DNAH6: variants seen among roughly 807,000 people sequenced by gnomAD.
DNAH6 encodes the protein axonemal beta dynein heavy chain 6.
Under a neutral mutation model 491.4 loss-of-function variants are expected in DNAH6, and 340 were observed. The ratio of observed to expected loss-of-function variants is 0.69; its 90% CI spans 0.63 to 0.76. DNAH6 has a LOEUF of 0.76. DNAH6 is among the 30% of genes least tolerant of loss of function. DNAH6 has a pLI of 0.00. For synonymous variants in DNAH6, 1,603 were observed against 1,686.1 expected, an observed-to-expected ratio of 0.95 and a Z score of 1.21; for missense variants, 4,443 against 4,972.2, an observed-to-expected ratio of 0.89 and a Z score of 3.20.
At chr2:84,490,392 A>G in the DNAH6 span, among the ~76,000 whole-genome samples, 4,703 of 152,150 alleles carry the variant, frequency 0.031, 125 homozygotes, top group Middle Eastern at 0.092. Flanking sequence ...GTACCCAGTC[A>G]TATAACCATC....
In DNAH6 at chr2:84,665,618, A is replaced by G. The variant is rs558048535; in HGVS notation, c.6085-3671A>G. Among the ~76,000 whole-genome samples the G allele has an allele frequency of 2.3e-4, 35 of 152,314 alleles. 1 individual carries two copies. The highest frequency in any genetic ancestry group is 4.7e-4 in the Non-Finnish European group (32 of 68,030). On this transcript the variant is annotated intron_variant, in intron 37 of 76. Coordinates refer to ENST00000389394, the MANE Select transcript of DNAH6 (RefSeq NM_001370.2). ...TTGAGGCAATAATTAATAGCCTACC[A>G]ACGAAAAAAAGTCCAGGACCAGACG...
intron 45 of DNAH6, among the ~76,000 whole-genome samples, chr2:84,693,539 C>A (rs898177861): frequency 6.6e-6 from 1 of 151,950 alleles, no homozygotes; most frequent in African/African-American, 2.4e-5. Flanking sequence ...ATCAGGAGAT[C>A]GAGACCATCC....
chr2:84,553,355 TTTTCTTTTCTTTTCTTTCTTTCTTTC>T, intron 10 of DNAH6, among the ~76,000 whole-genome samples: 1 of 33,826 alleles, frequency 3.0e-5, no homozygotes, highest in South Asian at 9.8e-4. Context: ...CTTTCTTTTC[TTTTCTTTTCTTTTCTTTCTTTCTTTC>T]TTTCTTTCTT....
rs1037594072 is a variant in DNAH6, at chr2:84,793,149, T to A, written c.11240-3157T>A. On this transcript the variant is annotated intron_variant, in intron 68 of 76. Transcript: ENST00000389394. ...ATGGTACCCACAGGAACCATGATGC[T>A]GGGGCCAGACCAGGCAGTGGCATGG... Among the ~76,000 whole-genome samples, 5 of 152,158 alleles carry A rather than the reference T, an allele frequency of 3.3e-5. No homozygotes were observed. In the South Asian group the frequency reaches 1.0e-3, roughly 31 times the overall value.
rs570533565 is a variant in DNAH6 at position 84,588,831 on chromosome 2, A to G, written c.2487A>G (p.Pro829=). Reference sequence around the variant, plus strand: ...AAACTGTCTTAAATTTATAGGATCCACAGATTTTAGATATCTCTGCTGACC... The same window carrying G: ...AAACTGTCTTAAATTTATAGGATCCGCAGATTTTAGATATCTCTGCTGACC... ...VNEVKLQAQD[P]QILDISADQD... The change falls in exon 16 of 77, where the codon CCA becomes CCG. Residue 829 remains proline (P), a synonymous_variant. Coordinates refer to ENST00000389394, the MANE Select transcript of DNAH6 (RefSeq NM_001370.2). 5.1e-5 allele frequency: 79 copies of G among 1,537,590 alleles called. No individual in the cohort carries two copies. Among genetic ancestry groups the G allele is most frequent in the Non-Finnish European group, 6.8e-5 (78 of 1,141,862 alleles).
chr2:84,565,122 G>A (rs372344731), intron 11 of DNAH6, among the ~76,000 whole-genome samples: 28 of 152,168 alleles, frequency 1.8e-4, no homozygotes, highest in African/African-American at 6.7e-4. Flanking sequence ...TTGCATCTAT[G>A]TTCATCAGGG....
intron 64 of DNAH6, among the ~76,000 whole-genome samples, chr2:84,765,696 A>G (rs1675012382): frequency 6.6e-6 from 1 of 152,090 alleles, no homozygotes; most frequent in Non-Finnish European, 1.5e-5. Flanking sequence ...AGTAAACCAA[A>G]AAGTCAAACT....
intron 29 of DNAH6, among the ~76,000 whole-genome samples, chr2:84,626,219 C>T (rs555640513): frequency 2.6e-5 from 4 of 151,944 alleles, no homozygotes; most frequent in East Asian, 3.9e-4. Flanking sequence ...TTTTTATGTA[C>T]CCACTTTGGA....
intron 16 of DNAH6, among the ~76,000 whole-genome samples, chr2:84,593,488 G>A (rs894541806): frequency 1.2e-4 from 18 of 152,090 alleles, no homozygotes; most frequent in African/African-American, 3.4e-4. Context: ...ATATAAAGTC[G>A]TGGTTAGAAA....
intron 68 of DNAH6, among the ~76,000 whole-genome samples, chr2:84,789,043 G>C (rs78756082): frequency 0.028 from 4,278 of 152,196 alleles, 202 homozygotes; most frequent in African/African-American, 0.098. Context: ...TTACGGTGAA[G>C]CTTGTGTGGA....
chr2:84,797,385 T>A (rs190402890), intron 69 of DNAH6, among the ~76,000 whole-genome samples, 152 bp from the exon 70 acceptor site: 1 of 152,306 alleles, frequency 6.6e-6, no homozygotes, highest in East Asian at 1.9e-4. Context: ...GACACAGCAA[T>A]GAAAGCATGA....
chr2:84,654,910 C>T, intron 35 of DNAH6, 128 bp downstream of exon 35: 1 of 993,790 alleles, frequency 1.0e-6, no homozygotes, highest in African/African-American at 1.6e-5. Context: ...TTTACCTAGT[C>T]CTCCCTGTGA....
At chr2:84,654,436 C>T (rs1274765749) in intron 34 of DNAH6, among the ~76,000 whole-genome samples, 1 of 152,150 alleles carries the variant, frequency 6.6e-6, no homozygotes, top group Non-Finnish European at 1.5e-5. Context: ...TAGAGTTTGA[C>T]AGTATCCTCC....
intron 4 of DNAH6, among the ~76,000 whole-genome samples, chr2:84,537,802 T>C (rs1677838791): frequency 6.6e-6 from 1 of 152,050 alleles, no homozygotes. Flanking sequence ...TTATATAAAT[T>C]CACATTTTGC....
intron 30 of DNAH6, among the ~76,000 whole-genome samples, chr2:84,636,858 G>A (rs540369644): frequency 6.6e-6 from 1 of 151,708 alleles, no homozygotes; most frequent in African/African-American, 2.4e-5. Context: ...CATGCCACTT[G>A]CACCCCAACC....
rs1167746765 is a variant in DNAH6, at chr2:84,658,493, T to C, written c.5940+19T>C. 4 of 1,413,558 alleles carry C rather than the reference T, an allele frequency of 2.8e-6. No individual in the cohort carries two copies. Among genetic ancestry groups the C allele is most frequent in the Non-Finnish European group, 3.7e-6 (4 of 1,073,000 alleles). The allele number at this position is 1,413,558 out of a possible 1,614,324, so 87.6% of individuals were successfully genotyped here. On this transcript the variant is annotated intron_variant, in intron 36 of 76. Coordinates refer to ENST00000389394, the MANE Select transcript of DNAH6 (RefSeq NM_001370.2). The stretch of plus-strand genomic sequence containing the variant: ...GGCAATGGTATGAAGAGTTTTCTTA[T>C]TGCTATGAAGCTAGAAAAATTAGAT...
chr2:84,777,547 C>T, intron 64 of DNAH6: 1 of 767,618 alleles, frequency 1.3e-6, no homozygotes, highest in Non-Finnish European at 2.4e-6. Context: ...CACTCTCAAC[C>T]ACCTACTTGT....
At chr2:84,780,670 G>T (rs1181161573) in intron 64 of DNAH6, among the ~76,000 whole-genome samples, 1 of 152,116 alleles carries the variant, frequency 6.6e-6, no homozygotes, top group Admixed American at 6.5e-5. Context: ...CAATCTTTTA[G>T]AGGTAAGGAA....
upstream of DNAH6, among the ~76,000 whole-genome samples, chr2:84,514,074 C>T (rs1295662315): frequency 6.6e-6 from 1 of 152,142 alleles, no homozygotes; most frequent in Non-Finnish European, 1.5e-5. Flanking sequence ...CAGCATTAAT[C>T]CCTGAAGCTA....
Sources: allele counts gnomAD v4.1 joint callset (sites outside exome capture counted in the v4.1 genomes callset), GRCh38; gene constraint gnomAD v4.1.1; transcripts MANE v1.5; gene names NCBI Gene and HGNC (gene_info 2026-07-23, HGNC 2026-07-21).